The following PLVAP variants were observed in gnomAD, a reference collection of about 807,000 sequenced individuals.
PLVAP encodes plasmalemma vesicle-associated protein.
PLVAP carries 34 observed loss-of-function variants against 43.1 expected under a neutral mutation model. The ratio of observed to expected loss-of-function variants is 0.79; its 90% CI spans 0.60 to 1.05. The LOEUF is 1.05. Ranked by LOEUF, PLVAP falls within the 50% of genes least tolerant of loss-of-function variation. The pLI is 0.00. For missense variants in PLVAP, 574 were observed against 593.4 expected (o/e 0.97, Z 0.34); for synonymous variants, 241 against 237.3 (o/e 1.02, Z -0.14).
intron 5 of PLVAP, among the ~76,000 whole-genome samples, chr19:17,355,023 A>G (rs1477031379): frequency 6.6e-6 from 1 of 151,400 alleles, no homozygotes; most frequent in Non-Finnish European, 1.5e-5. Context: ...GGAGTTCAAG[A>G]CCAGCCTAGT....
In PLVAP at chr19:17,365,958, C is replaced by T; in HGVS notation, c.507G>A (p.Glu169=). Residue 169 remains glutamate (E), a synonymous_variant, in exon 3 of 6, where the codon GAG becomes GAA. Transcript: ENST00000252590. ...TGGTCTTCTCCTTGGCTATCTCCACCTCCAGCGTCTTCACCTTCTGATTCA... is the reference window on the plus strand; with the variant it reads ...TGGTCTTCTCCTTGGCTATCTCCACTTCCAGCGTCTTCACCTTCTGATTCA... The part of the protein sequence containing the change: ...FMLNQKVKTL[E]VEIAKEKTIC... 1 of 1,613,946 alleles carries T rather than the reference C, an allele frequency of 6.2e-7. No individual in the cohort carries two copies. Among genetic ancestry groups the T allele is most frequent in the Non-Finnish European group, 8.5e-7 (1 of 1,179,934 alleles).
At chr19:17,353,813 G>A (rs555177170) in intron 5 of PLVAP, among the ~76,000 whole-genome samples, 2 of 152,310 alleles carry the variant, frequency 1.3e-5, no homozygotes, top group South Asian at 2.1e-4. Context: ...CCACTAGACT[G>A]TGAGCCCCAT....
chr19:17,370,081 A>G (rs1407688051), intron 1 of PLVAP, among the ~76,000 whole-genome samples: 3 of 151,862 alleles, frequency 2.0e-5, no homozygotes, highest in Non-Finnish European at 4.4e-5. Flanking sequence ...GACCACAGTG[A>G]GATACCACTA....
intron 1 of PLVAP, among the ~76,000 whole-genome samples, chr19:17,376,528 T>C (rs1442486807): frequency 6.6e-6 from 1 of 151,634 alleles, no homozygotes; most frequent in East Asian, 1.9e-4. Flanking sequence ...CCGGGTGCAG[T>C]GGCTCACGCT....
chr19:17,363,887 C>T (rs969795661), intron 3 of PLVAP, among the ~76,000 whole-genome samples: 2 of 150,016 alleles, frequency 1.3e-5, no homozygotes, highest in South Asian at 4.3e-4. Flanking sequence ...GGACTACAGG[C>T]GCCCGCCACC....
chr19:17,368,750 G>T (rs1164928173), intron 1 of PLVAP, among the ~76,000 whole-genome samples: 1 of 152,088 alleles, frequency 6.6e-6, no homozygotes, highest in Non-Finnish European at 1.5e-5. Context: ...GGCCAAGGCG[G>T]GTGGATCACG....
In PLVAP at chr19:17,365,322, G is replaced by A; in HGVS notation, c.1143C>T (p.Ile381=). Reference sequence around the variant, plus strand: ...TGCAGGTGTCCAGGGCTGAGTTTCTGATGGCCAGCTCCATCCTGAGCTGCT... The same window carrying A: ...TGCAGGTGTCCAGGGCTGAGTTTCTAATGGCCAGCTCCATCCTGAGCTGCT... ...EAEQLRMELA[I]RNSALDTCIK... The change falls in exon 3 of 6, where the codon ATC becomes ATT. Residue 381 remains isoleucine, a synonymous_variant. Coordinates refer to ENST00000252590, the MANE Select transcript of PLVAP (RefSeq NM_031310.3). 6.2e-7 allele frequency: 1 copy of A among 1,613,248 alleles called. No homozygotes were observed.
intron 5 of PLVAP, among the ~76,000 whole-genome samples, chr19:17,353,930 CG>C (rs975666259): frequency 1.2e-4 from 8 of 67,026 alleles, no homozygotes; most frequent in Admixed American, 3.1e-4. Context: ...TCATCAGAGG[CG>C]TTAACAGTGA....
chr19:17,370,398 T>C (rs992287273), intron 1 of PLVAP, among the ~76,000 whole-genome samples: 1 of 152,204 alleles, frequency 6.6e-6, no homozygotes, highest in Non-Finnish European at 1.5e-5. Flanking sequence ...CAAATGCCTG[T>C]CAGCAGATGA....
intron 1 of PLVAP, among the ~76,000 whole-genome samples, chr19:17,368,858 A>G (rs1017899098): frequency 7.9e-5 from 12 of 152,114 alleles, no homozygotes; most frequent in African/African-American, 2.9e-4. Context: ...GGCACCCGTA[A>G]TCTCAGCTAC....
In PLVAP at chr19:17,377,169, G is replaced by A. The variant is rs1192389670; in HGVS notation, c.120C>T (p.Ile40=). 8.1e-6 allele frequency: 13 copies of A among 1,614,000 alleles called. No homozygotes were observed. Among genetic ancestry groups the A allele is most frequent in the South Asian group, 1.1e-5 (1 of 91,084 alleles). ...LFVSLIQFLI[I]LGLVLFMVYG... ...AGACCATGAAGAGCACGAGCCCCAG[G>A]ATGATGAGGAATTGGATGAGGGAGA... The change falls in exon 1 of 6, where the codon ATC becomes ATT. Residue 40 remains isoleucine (I), a synonymous_variant. Transcript: ENST00000252590.
chr19:17,354,993 G>A (rs1351597748), intron 5 of PLVAP, among the ~76,000 whole-genome samples: 3 of 151,486 alleles, frequency 2.0e-5, no homozygotes, highest in African/African-American at 7.3e-5. Context: ...AGGCTGAGGC[G>A]GGCAGATCAC....
At chr19:17,376,388 G>A (rs1442842328) in intron 1 of PLVAP, among the ~76,000 whole-genome samples, 2 of 151,992 alleles carry the variant, frequency 1.3e-5, no homozygotes, top group East Asian at 1.9e-4. Context: ...TACTCAGGAG[G>A]CTGAGGCAAG....
chr19:17,360,053 G>T (rs1253379291), intron 5 of PLVAP, among the ~76,000 whole-genome samples: 3 of 152,064 alleles, frequency 2.0e-5, no homozygotes, highest in African/African-American at 7.2e-5. Context: ...TCCTCACCAA[G>T]GCTCTCTCTT....
intron 5 of PLVAP, among the ~76,000 whole-genome samples, chr19:17,358,282 GA>G (rs1568373308): frequency 1.4e-5 from 2 of 143,730 alleles, no homozygotes; most frequent in African/African-American, 2.7e-5. Flanking sequence ...AAAAAAAAAA[GA>G]AGAAGAGGTG....
Position 17,352,203 on chromosome 19 carries a change from GAGGGTACT to G in PLVAP, c.*151_*158del. ...TCGTGAGGCGCGGGTGCGGGTGTGA[GAGGGTACT>G]AGGGGTTTGCATGCAGGGAGTTGTC... On this transcript the variant is annotated 3_prime_UTR_variant, in exon 6 of 6. Transcript: ENST00000252590. 1 of 978,954 alleles carries G rather than the reference GAGGGTACT, an allele frequency of 1.0e-6. No individual in the cohort carries two copies. Among genetic ancestry groups the G allele is most frequent in the Non-Finnish European group, 1.5e-6 (1 of 653,814 alleles). 60.6% of individuals were successfully genotyped at this position (978,954 alleles called of 1,614,324 possible).
rs2074486964 is a variant in PLVAP at position 17,351,924 on chromosome 19, T to C, written c.*438A>G. The C allele has an allele frequency of 4.4e-6, 1 of 229,322 alleles. No homozygotes were observed. The highest frequency in any genetic ancestry group is 2.2e-5 in the African/African-American group (1 of 44,508). The allele number at this position is 229,322 out of a possible 1,614,324, so 14.2% of individuals were successfully genotyped here. Reference sequence around the variant, plus strand: ...TGTGACATCATCACCGTCTGTGTGATGCCATCGCCGCGTCTGTGTGACATT... The same window carrying C: ...TGTGACATCATCACCGTCTGTGTGACGCCATCGCCGCGTCTGTGTGACATT... On this transcript the variant is annotated 3_prime_UTR_variant, in exon 6 of 6. Transcript: ENST00000252590.
intron 3 of PLVAP, among the ~76,000 whole-genome samples, chr19:17,364,976 T>C (rs988387356): frequency 6.6e-6 from 1 of 151,998 alleles, no homozygotes; most frequent in Non-Finnish European, 1.5e-5. Flanking sequence ...TTTTGCCATG[T>C]TGGCCAGGCT....
chr19:17,367,388 A>AG (rs560649111), intron 1 of PLVAP, among the ~76,000 whole-genome samples: 1,891 of 112,914 alleles, frequency 0.017, 20 homozygotes, highest in Non-Finnish European at 0.021. Context: ...CTGATTTTTA[A>AG]ATTTTTTTTT....
Sources: allele counts gnomAD v4.1 joint callset (sites outside exome capture counted in the v4.1 genomes callset), GRCh38; gene constraint gnomAD v4.1.1; transcripts MANE v1.5; gene names NCBI Gene and HGNC (gene_info 2026-07-23, HGNC 2026-07-21).